The following RGS6 variants were observed in gnomAD, a reference collection of about 807,000 sequenced individuals.
The protein encoded by RGS6 is regulator of G-protein signaling 6.
In RGS6, 30 loss-of-function variants were observed where a neutral mutation model predicts 78.5. The ratio of observed to expected loss-of-function variants is 0.38; its 90% CI spans 0.29 to 0.52. RGS6 has a LOEUF of 0.52. RGS6 is among the 20% of genes least tolerant of loss of function. The pLI is 0.85. For missense variants in RGS6, 495 were observed against 609.7 expected, an observed-to-expected ratio of 0.81 and a Z score of 1.98; for synonymous variants, 206 against 206.0, an observed-to-expected ratio of 1.00 and a Z score of 0.00.
chr14:72,079,650 C>T (rs2094734675), intron 2 of RGS6, among the ~76,000 whole-genome samples: 1 of 152,026 alleles, frequency 6.6e-6, no homozygotes, highest in South Asian at 2.1e-4. Flanking sequence ...ATTCTTCATA[C>T]CTCACTGAAA....
At chr14:72,464,675 C>G (rs1345545126) in intron 6 of RGS6, 1 of 152,112 alleles carries the variant, frequency 6.6e-6, no homozygotes, top group Non-Finnish European at 1.5e-5. Flanking sequence ...CTGGATTGTT[C>G]CACTTGGCTC....
chr14:72,550,068 G>A (rs900495933), intron 17 of RGS6, among the ~76,000 whole-genome samples: 3 of 152,128 alleles, frequency 2.0e-5, no homozygotes, highest in Non-Finnish European at 4.4e-5. Flanking sequence ...GCTTCACCAG[G>A]GCTGCTTTCA....
the RGS6 span, among the ~76,000 whole-genome samples, chr14:71,914,798 T>G: frequency 6.6e-6 from 1 of 151,798 alleles, no homozygotes; most frequent in East Asian, 1.9e-4. Flanking sequence ...TAAAAATGCT[T>G]TACTTCTATT....
chr14:72,369,983 A>T (rs2083162015), intron 3 of RGS6, among the ~76,000 whole-genome samples: 1 of 152,116 alleles, frequency 6.6e-6, no homozygotes, highest in Non-Finnish European at 1.5e-5. Context: ...TTTCTCCAGT[A>T]AGAGCTTTTA....
chr14:72,164,355 C>G (rs2096896013), intron 2 of RGS6, among the ~76,000 whole-genome samples: 1 of 152,070 alleles, frequency 6.6e-6, no homozygotes, highest in Non-Finnish European at 1.5e-5. Context: ...TGAAGTGGAG[C>G]TCAGTTGGAA....
intron 3 of RGS6, among the ~76,000 whole-genome samples, chr14:72,395,787 GT>G (rs1186995411): frequency 6.6e-6 from 1 of 151,930 alleles, no homozygotes; most frequent in Non-Finnish European, 1.5e-5. Context: ...GTGGTGTTTG[GT>G]TTTTTTCCCT....
the RGS6 span, among the ~76,000 whole-genome samples, chr14:71,904,506 A>T: frequency 5.9e-5 from 9 of 152,246 alleles, no homozygotes; most frequent in Non-Finnish European, 1.3e-4. Flanking sequence ...GTGGAAAAAG[A>T]ACTAATACAG....
chr14:72,039,406 A>G (rs1284474016), intron 2 of RGS6, among the ~76,000 whole-genome samples: 5 of 152,110 alleles, frequency 3.3e-5, no homozygotes, highest in Non-Finnish European at 7.4e-5. Flanking sequence ...TACTTATTGT[A>G]TCTTCCCTAT....
At position 72,459,632 on chromosome 14, in the gene RGS6, G is replaced by T; in HGVS notation, c.343G>T (p.Ala115Ser). 1 of 1,614,040 alleles carries T rather than the reference G, an allele frequency of 6.2e-7. No individual in the cohort carries two copies. Among genetic ancestry groups the T allele is most frequent in the Non-Finnish European group, 8.5e-7 (1 of 1,180,012 alleles). The change falls in exon 6 of 18, where the codon GCT becomes TCT. Residue 115 changes from alanine to serine, a missense_variant and splice_region_variant. Ala to Ser is a moderately conservative substitution (Grantham distance 99). Transcript: ENST00000553525. Reference protein sequence around the residue: ...KDDGTFYRFQAPYFWPSNCWE... With the variant: ...KDDGTFYRFQSPYFWPSNCWE... Reference sequence around the variant, plus strand: ...CACTAACACCCATGCTCCTTTGCAGGCTCCGTACTTCTGGCCTTCGAACTG... The same window carrying T: ...CACTAACACCCATGCTCCTTTGCAGTCTCCGTACTTCTGGCCTTCGAACTG...
intron 16 of RGS6, among the ~76,000 whole-genome samples, chr14:72,538,842 G>T (rs35180196): frequency 6.6e-6 from 1 of 152,226 alleles, no homozygotes; most frequent in African/African-American, 2.4e-5. Flanking sequence ...AGCTGACAAG[G>T]GGCCTGGCTG....
chr14:72,137,692 T>C (rs2153605000), intron 2 of RGS6, among the ~76,000 whole-genome samples: 1 of 152,310 alleles, frequency 6.6e-6, no homozygotes, highest in African/African-American at 2.4e-5. Flanking sequence ...GCATAGAACA[T>C]GGTTTGGAAG....
intron 12 of RGS6, among the ~76,000 whole-genome samples, chr14:72,491,314 G>A (rs1174736163): frequency 6.6e-6 from 1 of 151,050 alleles, no homozygotes; most frequent in Non-Finnish European, 1.5e-5. Context: ...GAACAACGGT[G>A]TTCTACCACA....
At chr14:72,618,022 G>A in the RGS6 span, among the ~76,000 whole-genome samples, 1 of 151,936 alleles carries the variant, frequency 6.6e-6, no homozygotes, top group African/African-American at 2.4e-5. Flanking sequence ...CAGAGTTCTC[G>A]GAAGCTCAGC....
At chr14:72,146,244 C>T (rs1295920191) in intron 2 of RGS6, among the ~76,000 whole-genome samples, 1 of 152,190 alleles carries the variant, frequency 6.6e-6, no homozygotes, top group Non-Finnish European at 1.5e-5. Flanking sequence ...CATGACCTAA[C>T]CACCTCTAAG....
chr14:72,285,174 G>T (rs527356629), intron 2 of RGS6, among the ~76,000 whole-genome samples: 4 of 152,172 alleles, frequency 2.6e-5, no homozygotes, highest in Non-Finnish European at 5.9e-5. Flanking sequence ...GACTTTGGGG[G>T]ACTATAGTGA....
chr14:72,151,805 C>G (rs1021189527), intron 2 of RGS6, among the ~76,000 whole-genome samples: 1 of 152,174 alleles, frequency 6.6e-6, no homozygotes, highest in African/African-American at 2.4e-5. Context: ...AAATGCCACT[C>G]TCTGGATCAG....
intron 2 of RGS6, among the ~76,000 whole-genome samples, chr14:72,295,562 CTTAGGTGACAACA>C (rs2064641298): frequency 2.0e-5 from 3 of 152,106 alleles, no homozygotes; most frequent in Non-Finnish European, 4.4e-5. Context: ...ATAAAATAAT[CTTAGGTGACAACA>C]TTTTTTACCA....
At chr14:71,968,061 G>A (rs1217585647) in intron 2 of RGS6, among the ~76,000 whole-genome samples, 1 of 152,014 alleles carries the variant, frequency 6.6e-6, no homozygotes, top group Non-Finnish European at 1.5e-5. Context: ...AAATGTATTG[G>A]TCACATTAAA....
intron 2 of RGS6, among the ~76,000 whole-genome samples, chr14:72,083,293 T>A (rs943468040): frequency 6.6e-6 from 1 of 152,270 alleles, no homozygotes. Flanking sequence ...AGAAGACATT[T>A]AGCCAAGTCT....
Sources: allele counts gnomAD v4.1 joint callset (sites outside exome capture counted in the v4.1 genomes callset), GRCh38; gene constraint gnomAD v4.1.1; transcripts MANE v1.5; gene names NCBI Gene and HGNC (gene_info 2026-07-23, HGNC 2026-07-21).